Variants in PRDM10 observed in about 807,000 individuals in gnomAD.
PRDM10 encodes PR domain zinc finger protein 10.
Under a neutral mutation model 133.1 loss-of-function variants are expected in PRDM10, and 65 were observed. The ratio of observed to expected loss-of-function variants is 0.49; its 90% CI spans 0.40 to 0.60. The LOEUF (loss-of-function observed/expected upper bound fraction) is 0.60. PRDM10 is among the 20% of genes least tolerant of loss of function. The pLI is 0.00. For synonymous variants in PRDM10, 582 were observed against 580.4 expected, an observed-to-expected ratio of 1.00 and a Z score of -0.04; for missense variants, 1,137 against 1,507.1, an observed-to-expected ratio of 0.75 and a Z score of 4.07.
chr11:129,906,132 A>G (rs1950008699), intron 19 of PRDM10, among the ~76,000 whole-genome samples: 1 of 152,218 alleles, frequency 6.6e-6, no homozygotes, highest in African/African-American at 2.4e-5. Flanking sequence ...TCCAACTTGA[A>G]TTTTATTTCA....
intron 1 of PRDM10, among the ~76,000 whole-genome samples, chr11:129,963,195 A>G (rs1468796405): frequency 6.6e-6 from 1 of 151,868 alleles, no homozygotes; most frequent in Non-Finnish European, 1.5e-5. Context: ...TCATCTAAAG[A>G]TCTGTAAGAA....
At chr11:129,996,383 G>T (rs1484893226) in intron 1 of PRDM10, among the ~76,000 whole-genome samples, 1 of 152,144 alleles carries the variant, frequency 6.6e-6, no homozygotes, top group Non-Finnish European at 1.5e-5. Flanking sequence ...AGCTAAGAAT[G>T]GTTGTTACAT....
chr11:129,902,076 A>C lies in PRDM10; in HGVS notation c.*237T>G. 1.9e-6 allele frequency: 1 copy of C among 513,290 alleles called. No homozygotes were observed. Among genetic ancestry groups the C allele is most frequent in the Non-Finnish European group, 3.4e-6 (1 of 297,746 alleles). 31.8% of individuals were successfully genotyped at this position (513,290 alleles called of 1,614,324 possible). The stretch of plus-strand genomic sequence containing the variant: ...GCAAGGCAAATTCTCTCCACCTCGA[A>C]ATCTACTTTCCCCTGAAAGATCTCT... On this transcript the variant is annotated 3_prime_UTR_variant, in exon 21 of 21. Transcript: ENST00000360871.
At chr11:129,965,491 C>T (rs1267925057) in intron 1 of PRDM10, among the ~76,000 whole-genome samples, 2 of 152,136 alleles carry the variant, frequency 1.3e-5, no homozygotes, top group Admixed American at 1.3e-4. Context: ...ACTCTCACCC[C>T]TCATCTTCTT....
In PRDM10 at chr11:129,900,120, C is replaced by T. The variant is rs987262652; in HGVS notation, c.*2193G>A. ...CAGTGTCAATGTGTCTTGAGAGAGG[C>T]CACAATATCCACACTGGCTACATAC... On this transcript the variant is annotated 3_prime_UTR_variant, in exon 21 of 21. Transcript: ENST00000360871. The T allele has an allele frequency of 1.3e-5, 2 of 152,470 alleles. No homozygotes were observed. Among genetic ancestry groups the T allele is most frequent in the Admixed American group, 6.5e-5 (1 of 15,276 alleles). The allele number at this position is 152,470 out of a possible 1,614,324, so 9.4% of individuals were successfully genotyped here. A position where few individuals can be genotyped will look rare whatever the true frequency, so the allele number is the denominator to read the frequency against.
rs560706153 is a variant in PRDM10, at chr11:129,944,676, G to A, written c.762+95C>T. On this transcript the variant is annotated intron_variant, in intron 6 of 20. Coordinates refer to ENST00000360871, the MANE Select transcript of PRDM10 (RefSeq NM_199437.2). ...GAAAGAAGAATACTAGCAAACAACT[G>A]CTAAGAAACAGGAATAAGAGACTGA... 1.7e-5 allele frequency: 25 copies of A among 1,492,556 alleles called. No individual in the cohort carries two copies. The Admixed American group carries it at 2.6e-4, about 16-fold the overall frequency. The allele number at this position is 1,492,556 out of a possible 1,614,324, so 92.5% of individuals were successfully genotyped here. A position where few individuals can be genotyped will look rare whatever the true frequency, so the allele number is the denominator to read the frequency against.
At chr11:130,000,205 G>A (rs560690641) in intron 1 of PRDM10, among the ~76,000 whole-genome samples, 15 of 152,000 alleles carry the variant, frequency 9.9e-5, no homozygotes, top group East Asian at 1.9e-4. Flanking sequence ...CATCATGTCC[G>A]TCCAATTTTT....
At chr11:129,963,269 G>A (rs932552388) in intron 1 of PRDM10, among the ~76,000 whole-genome samples, 13 of 152,130 alleles carry the variant, frequency 8.5e-5, no homozygotes, top group Non-Finnish European at 1.6e-4. Flanking sequence ...AGAGCCCGGC[G>A]TGGTGGCACA....
chr11:129,983,193 G>T (rs1316263651), intron 1 of PRDM10, among the ~76,000 whole-genome samples: 1 of 151,842 alleles, frequency 6.6e-6, no homozygotes, highest in East Asian at 1.9e-4. Context: ...GGCCAGACTG[G>T]TCTCGAACTT....
At chr11:129,977,293 CACACACAT>C (rs1264020476) in intron 1 of PRDM10, among the ~76,000 whole-genome samples, 3 of 147,524 alleles carry the variant, frequency 2.0e-5, no homozygotes, top group Admixed American at 6.8e-5. Flanking sequence ...CACACACACA[CACACACAT>C]TGAGATGCAG....
At chr11:129,979,643 G>C (rs1565508300) in intron 1 of PRDM10, among the ~76,000 whole-genome samples, 1 of 152,092 alleles carries the variant, frequency 6.6e-6, no homozygotes, top group Non-Finnish European at 1.5e-5. Context: ...TTGTTTTTTT[G>C]ACCAGCACAG....
At chr11:129,927,476 A>G (rs1328009805) in intron 11 of PRDM10, among the ~76,000 whole-genome samples, 1 of 152,096 alleles carries the variant, frequency 6.6e-6, no homozygotes, top group African/African-American at 2.4e-5. Context: ...AACAGACACA[A>G]TGCACATTGA....
At chr11:129,916,327 CT>C (rs1454243598) in intron 15 of PRDM10, among the ~76,000 whole-genome samples, 4 of 152,200 alleles carry the variant, frequency 2.6e-5, no homozygotes, top group African/African-American at 7.2e-5. Context: ...ATGTTTCTCA[CT>C]TTTAAGCTGA....
At chr11:129,942,341 C>A (rs1951237086) in intron 7 of PRDM10, 85 bp downstream of exon 7, 44 of 1,377,634 alleles carry the variant, frequency 3.2e-5, no homozygotes, top group African/African-American at 2.9e-5. Flanking sequence ...GTTAAACAAA[C>A]CCACTTTAGG....
chr11:130,002,212 G>A (rs1310700115), intron 1 of PRDM10, among the ~76,000 whole-genome samples: 1 of 148,030 alleles, frequency 6.8e-6, no homozygotes, highest in Non-Finnish European at 1.5e-5. Flanking sequence ...CGGAGCGCCC[G>A]CGCAACCGCC....
At chr11:129,990,768 C>A (rs968365954) in intron 1 of PRDM10, among the ~76,000 whole-genome samples, 2 of 152,102 alleles carry the variant, frequency 1.3e-5, no homozygotes, top group East Asian at 3.9e-4. Flanking sequence ...CCACTATGCC[C>A]GGGTCCTCAC....
At chr11:129,910,698 C>T (rs1258125800) in intron 18 of PRDM10, 42 bp from the exon 19 acceptor site, 1 of 1,435,820 alleles carries the variant, frequency 7.0e-7, no homozygotes, top group Non-Finnish European at 9.3e-7. Flanking sequence ...TTACGAGCTT[C>T]TAATATAGTG....
intron 1 of PRDM10, among the ~76,000 whole-genome samples, chr11:129,966,716 C>G (rs767899356): frequency 3.9e-5 from 6 of 152,184 alleles, no homozygotes; most frequent in Non-Finnish European, 8.8e-5. Flanking sequence ...GTTGTTATTA[C>G]TGAGATTCAC....
chr11:129,924,937 T>C lies in PRDM10; in HGVS notation c.1823A>G (p.Asn608Ser). The C allele has an allele frequency of 1.2e-6, 2 of 1,614,120 alleles. No individual in the cohort carries two copies. Among genetic ancestry groups the C allele is most frequent in the Non-Finnish European group, 1.7e-6 (2 of 1,179,988 alleles). The change falls in exon 12 of 21, where the codon AAT becomes AGT. Residue 608 changes from asparagine to serine, a missense_variant. By Grantham distance (46) the Asn-to-Ser change is conservative (BLOSUM62 1). Around this residue, in one of 6 missense-constraint regions of PRDM10, gnomAD observed 635 missense variants for 835.2 expected, o/e 0.76. Coordinates refer to ENST00000360871, the MANE Select transcript of PRDM10 (RefSeq NM_199437.2). The stretch of plus-strand genomic sequence containing the variant: ...AGTTGGGCAGGTGAAGTAGCCATCA[T>C]TGATATGAATGGCCACATGATCTTT... ...LLKDHVAIHI[N>S]DGYFTCPTCK...
Sources: allele counts gnomAD v4.1 joint callset (sites outside exome capture counted in the v4.1 genomes callset), GRCh38; gene constraint gnomAD v4.1.1; regional missense constraint gnomAD v4.1.1; transcripts MANE v1.5; gene names NCBI Gene and HGNC (gene_info 2026-07-23, HGNC 2026-07-21).